The following ELOA variants were observed in gnomAD, a reference collection of about 807,000 sequenced individuals.
ELOA encodes the protein elongin A.
A neutral mutation model predicts 85.2 loss-of-function variants in ELOA; 15 were observed. The ratio of observed to expected loss-of-function variants is 0.18; its 90% CI spans 0.12 to 0.27. The LOEUF is 0.27. Among genes scored for constraint, ELOA ranks in the 10% least tolerant of loss-of-function variants. The pLI is 1.00. For synonymous variants in ELOA, 348 were observed against 357.2 expected, an observed-to-expected ratio of 0.97 and a Z score of 0.29; for missense variants, 769 against 952.7, an observed-to-expected ratio of 0.81 and a Z score of 2.54.
At chr1:23,759,488 G>C (rs1214529185) in intron 10 of ELOA, 24 bp from the exon 11 acceptor site, 1 of 1,614,000 alleles carries the variant, frequency 6.2e-7, no homozygotes, top group Non-Finnish European at 8.5e-7. Flanking sequence ...ATCTGAGACA[G>C]CTGCCTTGTT....
intron 3 of ELOA, among the ~76,000 whole-genome samples, chr1:23,750,174 T>C (rs891474689): frequency 5.0e-5 from 6 of 121,168 alleles, no homozygotes; most frequent in South Asian, 2.7e-4. Flanking sequence ...ACGTTTCTTT[T>C]TTTTTTTTTT....
chr1:23,759,635 G>GA lies in ELOA; in HGVS notation c.*62_*63insA. ...CAGGAATACAAGGACAGTGGGGGTT[G>GA]GGGAATGGAATTCTACAGGAGACTG... On this transcript the variant is annotated 3_prime_UTR_variant, in exon 11 of 11. Coordinates refer to ENST00000613537, the MANE Select transcript of ELOA (RefSeq NM_003198.3). The GA allele has an allele frequency of 6.3e-7, 1 of 1,579,190 alleles. No homozygotes were observed. Among genetic ancestry groups the GA allele is most frequent in the Admixed American group, 1.7e-5 (1 of 59,934 alleles).
At chr1:23,755,667 C>G (rs1644791071) in intron 7 of ELOA, among the ~76,000 whole-genome samples, 176 bp from the exon 8 acceptor site, 1 of 151,508 alleles carries the variant, frequency 6.6e-6, no homozygotes, top group South Asian at 2.1e-4. Flanking sequence ...GTAGTCCTGG[C>G]TACTTGAGAG....
chr1:23,757,003 G>A lies in ELOA; in HGVS notation c.2135G>A (p.Ser712Asn). 1.9e-6 allele frequency: 3 copies of A among 1,600,210 alleles called. No homozygotes were observed. The highest frequency in any genetic ancestry group is 1.7e-4 in the Middle Eastern group (1 of 6,010). ...GGAAGCAGCCATGCTTCCGCCAGTA[G>A]CATCAGCTTTAACCCCAGCCCTGAG... The part of the protein sequence containing the change: ...PMGSSHASAS[S>N]ISFNPSPEEP... Residue 712 changes from serine (S) to asparagine (N), a missense_variant, in exon 10 of 11, where the codon AGC becomes AAC. Ser to Asn is a conservative substitution (Grantham distance 46). Transcript: ENST00000613537.
At position 23,760,952 on chromosome 1, in the gene ELOA, G is replaced by A. The variant is rs1475925944; in HGVS notation, c.*1379G>A. 1.3e-5 allele frequency: 2 copies of A among 152,064 alleles called. No individual in the cohort carries two copies. Among genetic ancestry groups the A allele is most frequent in the Non-Finnish European group, 2.9e-5 (2 of 68,024 alleles). 9.4% of individuals were successfully genotyped at this position (152,064 alleles called of 1,614,324 possible). On this transcript the variant is annotated 3_prime_UTR_variant, in exon 11 of 11. Coordinates refer to ENST00000613537, the MANE Select transcript of ELOA (RefSeq NM_003198.3). ...TAGATGCCATACATTTGAGATATGC[G>A]TCCTTAAGGAACCTGACAAGCAGAC...
At chr1:23,758,440 A>AT (rs1638243056) in intron 10 of ELOA, among the ~76,000 whole-genome samples, 2 of 147,930 alleles carry the variant, frequency 1.4e-5, no homozygotes, top group South Asian at 4.4e-4. Flanking sequence ...AGCCCAGCTA[A>AT]TTTTTTGTAT....
intron 2 of ELOA, 144 bp from the exon 3 acceptor site, chr1:23,749,698 A>C: frequency 1.5e-6 from 1 of 671,800 alleles, no homozygotes; most frequent in Non-Finnish European, 2.5e-6. Context: ...ATAGACACAA[A>C]GTAATTTAGT....
intron 1 of ELOA, 91 bp downstream of exon 1, chr1:23,743,669 C>A (rs2124454725): frequency 7.5e-7 from 1 of 1,337,708 alleles, no homozygotes; most frequent in South Asian, 1.7e-5. Context: ...GGTTCGGGGG[C>A]TGGGACCCTG....
chr1:23,744,383 T>A (rs1165255507), intron 1 of ELOA: 1 of 152,192 alleles, frequency 6.6e-6, no homozygotes, highest in East Asian at 1.9e-4. Context: ...CGCGTTCTTG[T>A]ACCTTTTCAT....
Position 23,751,102 on chromosome 1 carries a change from C to G in ELOA, c.497C>G (p.Ser166Cys). The change falls in exon 4 of 11, where the codon TCT (serine) becomes TGT (cysteine). Residue 166 changes from serine (S) to cysteine (C), a missense_variant. By Grantham distance (112) the Ser-to-Cys change is moderately radical. Around this residue, in one of 4 missense-constraint regions of ELOA, gnomAD observed 440 missense variants for 474.0 expected, o/e 0.93. Coordinates refer to ENST00000613537, the MANE Select transcript of ELOA (RefSeq NM_003198.3). ...KRCHRMSPTY[S>C]SDPESSDYGH... ...TGTCACAGAATGTCACCAACTTACT[C>G]TTCAGACCCTGAGTCTTCTGATTAT... is the stretch of plus-strand genomic sequence containing the variant. The G allele has an allele frequency of 1.9e-6, 3 of 1,614,136 alleles. No individual in the cohort carries two copies. Among genetic ancestry groups the G allele is most frequent in the Non-Finnish European group, 2.5e-6 (3 of 1,180,048 alleles).
intron 10 of ELOA, 42 bp from the exon 11 acceptor site, chr1:23,759,470 C>T (rs369933654): frequency 3.4e-5 from 55 of 1,607,076 alleles, no homozygotes; most frequent in Non-Finnish European, 4.3e-5. Flanking sequence ...GTGTCTAAGC[C>T]GCCACAGATC....
rs765313848 is a variant in ELOA at position 23,750,827 on chromosome 1, C to G, written c.240-18C>G. 5 of 1,542,480 alleles carry G rather than the reference C, an allele frequency of 3.2e-6. 2 individuals are homozygous for G. The South Asian group carries it at 6.4e-5, about 20-fold the overall frequency. ...GCAAGATTTAGACCTACTTTGTCTGCTTTTTCTTTTATTTTAGAAATGCTG... is the reference window on the plus strand; with the variant it reads ...GCAAGATTTAGACCTACTTTGTCTGGTTTTTCTTTTATTTTAGAAATGCTG... On this transcript the variant is annotated intron_variant, in intron 3 of 10. Coordinates refer to ENST00000613537, the MANE Select transcript of ELOA (RefSeq NM_003198.3).
At position 23,751,389 on chromosome 1, in the gene ELOA, A is replaced by G; in HGVS notation, c.784A>G (p.Lys262Glu). 1.2e-6 allele frequency: 2 copies of G among 1,614,218 alleles called. No homozygotes were observed. The highest frequency in any genetic ancestry group is 1.7e-6 in the Non-Finnish European group (2 of 1,180,040). Residue 262 changes from lysine to glutamate, a missense_variant, in exon 4 of 11, where the codon AAG becomes GAG. Around this residue, in one of 4 missense-constraint regions of ELOA, gnomAD observed 440 missense variants for 474.0 expected, o/e 0.93. Coordinates refer to ENST00000613537, the MANE Select transcript of ELOA (RefSeq NM_003198.3). ...CCCCGTGGATGCCAAGAGTGATGAG[A>G]AGGCCTCTGTGGTGAGCAGAGAGAA... ...KRPVDAKSDE[K>E]ASVVSREKSH...
chr1:23,751,644 A>G lies in ELOA; in HGVS notation c.1039A>G (p.Ser347Gly), dbSNP rs766714303. The G allele has an allele frequency of 1.2e-6, 2 of 1,614,202 alleles. No homozygotes were observed. The highest frequency in any genetic ancestry group is 1.7e-6 in the Non-Finnish European group (2 of 1,180,036). ...GGACAAAAGCAAGCAAGGTCTGGAC[A>G]GCTTTGACACAGGAAAAGGAGCAGG... ...KLDKSKQGLDSFDTGKGAGDL... is the reference protein window; with the variant it reads ...KLDKSKQGLDGFDTGKGAGDL... Residue 347 changes from serine (S) to glycine (G), a missense_variant, in exon 4 of 11, where the codon AGC (serine) becomes GGC (glycine). Transcript: ENST00000613537.
intron 2 of ELOA, 128 bp downstream of exon 2, chr1:23,749,205 T>A (rs1408430602): frequency 3.8e-6 from 3 of 781,818 alleles, no homozygotes; most frequent in Non-Finnish European, 4.2e-6. Flanking sequence ...AGGCCATATA[T>A]TGTCTGATTC....
rs1207561790 is a variant in ELOA at position 23,749,012 on chromosome 1, TC to T, written c.76-8del. 7 of 1,611,494 alleles carry T rather than the reference TC, an allele frequency of 4.3e-6. No homozygotes were observed. In the South Asian group the frequency reaches 7.7e-5, roughly 18 times the overall value. On this transcript the variant is annotated splice_polypyrimidine_tract_variant and splice_region_variant and intron_variant, in intron 1 of 10. Coordinates refer to ENST00000613537, the MANE Select transcript of ELOA (RefSeq NM_003198.3). Reference sequence around the variant, plus strand: ...TTGACTATTGAAATTAATGTTTTCTTCTCTGCAGCTATTGAAATATTTGAAG... The same window carrying T: ...TTGACTATTGAAATTAATGTTTTCTTTCTGCAGCTATTGAAATATTTGAAG...
At position 23,754,143 on chromosome 1, in the gene ELOA, G is replaced by A; in HGVS notation, c.1581G>A (p.Gly527=). 5.0e-6 allele frequency: 8 copies of A among 1,614,190 alleles called. No individual in the cohort carries two copies. Among genetic ancestry groups the A allele is most frequent in the Non-Finnish European group, 5.9e-6 (7 of 1,180,030 alleles). ...PQEEEEAGFT[G]RRMNSKMQVY... is the part of the protein sequence containing the mutation. ...AAGAAGAAGAAGCTGGATTTACTGGGCGCAGAATGAATTCCAAGATGCAGG... is the reference window on the plus strand; with the variant it reads ...AAGAAGAAGAAGCTGGATTTACTGGACGCAGAATGAATTCCAAGATGCAGG... The change falls in exon 6 of 11, where the codon GGG becomes GGA. Residue 527 remains glycine, a synonymous_variant. Coordinates refer to ENST00000613537, the MANE Select transcript of ELOA (RefSeq NM_003198.3).
At chr1:23,753,895 C>A (rs531205630) in intron 5 of ELOA, among the ~76,000 whole-genome samples, 1 of 151,992 alleles carries the variant, frequency 6.6e-6, no homozygotes, top group Non-Finnish European at 1.5e-5. Flanking sequence ...AGGCTGATCT[C>A]GAACTCTTGA....
intron 1 of ELOA, chr1:23,744,250 C>T (rs950210456): frequency 5.3e-5 from 8 of 152,338 alleles, no homozygotes; most frequent in African/African-American, 1.7e-4. Flanking sequence ...GCTAGGTTTC[C>T]TTTTGGCCAT....
Sources: allele counts gnomAD v4.1 joint callset (sites outside exome capture counted in the v4.1 genomes callset), GRCh38; gene constraint gnomAD v4.1.1; regional missense constraint gnomAD v4.1.1; transcripts MANE v1.5; gene names NCBI Gene and HGNC (gene_info 2026-07-23, HGNC 2026-07-21).